The following SLC35A5 variants were observed in gnomAD, a reference collection of about 807,000 sequenced individuals.
SLC35A5 encodes solute carrier family 35 member A5, also known as UDP-sugar transporter protein SLC35A5.
A neutral mutation model predicts 36.3 loss-of-function variants in SLC35A5; 28 were observed. The observed-to-expected ratio is 0.77, with a 90% CI of 0.57 to 1.06. SLC35A5 has a LOEUF of 1.06. SLC35A5 is among the 50% of genes least tolerant of loss of function. The probability of loss-of-function intolerance (pLI) is 0.00; values close to 1 mark genes in which losing one functional copy is unlikely to be tolerated. For missense variants in SLC35A5, 521 were observed against 499.3 expected, an observed-to-expected ratio of 1.04 and a Z score of -0.41; for synonymous variants, 180 against 173.7, an observed-to-expected ratio of 1.04 and a Z score of -0.29.
At position 112,585,370 on chromosome 3, in the gene SLC35A5, G is replaced by A. The variant is rs533355761; in HGVS notation, c.*2634G>A. The A allele has an allele frequency of 1.9e-4, 29 of 152,248 alleles. No individual in the cohort carries two copies. The highest frequency in any genetic ancestry group is 6.7e-4 in the African/African-American group (28 of 41,550). The allele number at this position is 152,248 out of a possible 1,614,324, so 9.4% of individuals were successfully genotyped here. ...TTATGGGGATTACAATTCAAGATGA[G>A]ATTTGGGCGGGGACAGAAAGCCTAA... On this transcript the variant is annotated 3_prime_UTR_variant, in exon 7 of 7. Coordinates refer to ENST00000492406, the MANE Select transcript of SLC35A5 (RefSeq NM_017945.5).
rs1427497256 is a variant in SLC35A5, at chr3:112,584,637, CAT to C, written c.*1902_*1903del. 3 of 152,134 alleles carry C rather than the reference CAT, an allele frequency of 2.0e-5. No homozygotes were observed. Among genetic ancestry groups the C allele is most frequent in the Admixed American group, 6.5e-5 (1 of 15,268 alleles). The allele number at this position is 152,134 out of a possible 1,614,324, so 9.4% of individuals were successfully genotyped here. A position where few individuals can be genotyped will look rare whatever the true frequency, so the allele number is the denominator to read the frequency against. ...AAGAGAAAGAGTGAGAGCACAAGATCATGTGCTGGAACTAAAAATGTTCTATT... is the reference window on the plus strand; with the variant it reads ...AAGAGAAAGAGTGAGAGCACAAGATCGTGCTGGAACTAAAAATGTTCTATT... On this transcript the variant is annotated 3_prime_UTR_variant, in exon 7 of 7. Coordinates refer to ENST00000492406, the MANE Select transcript of SLC35A5 (RefSeq NM_017945.5).
chr3:112,562,707 G>A (rs1933981373), intron 1 of SLC35A5, among the ~76,000 whole-genome samples: 1 of 152,116 alleles, frequency 6.6e-6, no homozygotes, highest in Non-Finnish European at 1.5e-5. Flanking sequence ...TTCCTCCGAG[G>A]GAAAAGAGGA....
intron 5 of SLC35A5, among the ~76,000 whole-genome samples, chr3:112,578,398 A>G (rs150860226): frequency 6.6e-6 from 1 of 152,320 alleles, no homozygotes; most frequent in East Asian, 1.9e-4. Flanking sequence ...CAAACAATTC[A>G]CTTGGGAGGA....
At chr3:112,565,155 T>G (rs1407976648) in intron 2 of SLC35A5, among the ~76,000 whole-genome samples, 2 of 152,018 alleles carry the variant, frequency 1.3e-5, no homozygotes, top group Non-Finnish European at 2.9e-5. Flanking sequence ...GCATAAGATA[T>G]AGACCTTGTC....
rs1361010532 is a variant in SLC35A5 at position 112,570,625 on chromosome 3, C to G, written c.315C>G (p.Phe105Leu). ...MKWSIPAFLY[F>L]LDNLIVFYVL... Reference sequence around the variant, plus strand: ...GGTCCATTCCTGCCTTTCTTTATTTCCTGGATAACTTGATTGTCTTCTATG... The same window carrying G: ...GGTCCATTCCTGCCTTTCTTTATTTGCTGGATAACTTGATTGTCTTCTATG... Residue 105 changes from phenylalanine (F) to leucine (L), a missense_variant, in exon 4 of 7, where the codon TTC becomes TTG. Transcript: ENST00000492406. 6.2e-7 allele frequency: 1 copy of G among 1,611,986 alleles called. No homozygotes were observed. The highest frequency in any genetic ancestry group is 8.5e-7 in the Non-Finnish European group (1 of 1,179,110).
chr3:112,568,086 T>G (rs188075067), intron 2 of SLC35A5, among the ~76,000 whole-genome samples: 3 of 152,354 alleles, frequency 2.0e-5, no homozygotes, highest in South Asian at 4.1e-4. Flanking sequence ...ACAAACATGG[T>G]CCATTTCTTG....
chr3:112,583,717 T>G lies in SLC35A5; in HGVS notation c.*981T>G, dbSNP rs1221692383. 1 of 152,152 alleles carries G rather than the reference T, an allele frequency of 6.6e-6. No individual in the cohort carries two copies. Among genetic ancestry groups the G allele is most frequent in the Non-Finnish European group, 1.5e-5 (1 of 68,004 alleles). The allele number at this position is 152,152 out of a possible 1,614,324, so 9.4% of individuals were successfully genotyped here. Reference sequence around the variant, plus strand: ...AACACATGTTGACTTTTAACTGATGTATGAATATTAATACTCTAAAAATAG... The same window carrying G: ...AACACATGTTGACTTTTAACTGATGGATGAATATTAATACTCTAAAAATAG... On this transcript the variant is annotated 3_prime_UTR_variant, in exon 7 of 7. Coordinates refer to ENST00000492406, the MANE Select transcript of SLC35A5 (RefSeq NM_017945.5).
chr3:112,580,861 C>T lies in SLC35A5; in HGVS notation c.744C>T (p.Ile248=). 6.2e-7 allele frequency: 1 copy of T among 1,614,156 alleles called. No homozygotes were observed. Among genetic ancestry groups the T allele is most frequent in the Non-Finnish European group, 8.5e-7 (1 of 1,179,994 alleles). Residue 248 remains isoleucine (I), a synonymous_variant, in exon 6 of 7, where the codon ATC becomes ATT. Coordinates refer to ENST00000492406, the MANE Select transcript of SLC35A5 (RefSeq NM_017945.5). ...GTTTTATTTCTTCAATGGCTAATAT[C>T]TATAATGAAAAGATACTGAAGGAAG... The part of the protein sequence containing the change: ...VQCFISSMAN[I]YNEKILKEGN...
chr3:112,580,325 A>G (rs1934848663), intron 5 of SLC35A5, among the ~76,000 whole-genome samples: 1 of 152,200 alleles, frequency 6.6e-6, no homozygotes, highest in Non-Finnish European at 1.5e-5. Context: ...AAGGGAAATG[A>G]CTTGAGCAGC....
intron 5 of SLC35A5, 138 bp downstream of exon 5, chr3:112,574,094 G>T: frequency 1.5e-6 from 1 of 647,630 alleles, no homozygotes; most frequent in Non-Finnish European, 2.6e-6. Flanking sequence ...TACTGGGCAC[G>T]TTTAAGCCAT....
rs116026682 is a variant in SLC35A5, at chr3:112,563,509, C to A, written c.106C>A (p.Leu36Ile). 4 of 1,605,358 alleles carry A rather than the reference C, an allele frequency of 2.5e-6. No homozygotes were observed. The African/African-American group carries it at 5.3e-5, about 21-fold the overall frequency. The change falls in exon 2 of 7, where the codon CTA becomes ATA. Residue 36 changes from leucine (L) to isoleucine (I), a missense_variant. Physicochemically the swap from Leu to Ile is conservative, Grantham distance 5 (BLOSUM62 2). Coordinates refer to ENST00000492406, the MANE Select transcript of SLC35A5 (RefSeq NM_017945.5). ...TGCTTTAAGCTCAAGTCGCATCTTACTAGTGAAGTATTCTGCCAATGAAGG... is the reference window on the plus strand; with the variant it reads ...TGCTTTAAGCTCAAGTCGCATCTTAATAGTGAAGTATTCTGCCAATGAAGG... ...FIALSSSRIL[L>I]VKYSANEENK... is the part of the protein sequence containing the mutation.
chr3:112,570,729 A>ATT (rs11411476), intron 4 of SLC35A5, 59 bp downstream of exon 4: 64,378 of 1,168,636 alleles, frequency 0.055, 772 homozygotes, highest in Admixed American at 0.16. Flanking sequence ...AAATCCCAGA[A>ATT]TTTTTTTTTT....
At chr3:112,577,167 A>G (rs1298960908) in intron 5 of SLC35A5, among the ~76,000 whole-genome samples, 2 of 152,094 alleles carry the variant, frequency 1.3e-5, no homozygotes, top group Non-Finnish European at 2.9e-5. Context: ...AAGTCTGGTA[A>G]CTACTGCAGG....
chr3:112,565,786 A>C (rs1013826437), intron 2 of SLC35A5, among the ~76,000 whole-genome samples: 2 of 152,178 alleles, frequency 1.3e-5, no homozygotes, highest in Non-Finnish European at 2.9e-5. Context: ...AAAAGAAAAA[A>C]AAAAGTTTAA....
In SLC35A5 at chr3:112,582,872, C is replaced by T; in HGVS notation, c.*136C>T. On this transcript the variant is annotated 3_prime_UTR_variant, in exon 7 of 7. Transcript: ENST00000492406. ...TTCTTTGCATATATCTAGCTACTCC[C>T]TAAATGGTTCCATCCAAGGCTTAGA... is the stretch of plus-strand genomic sequence containing the variant. 1 of 700,958 alleles carries T rather than the reference C, an allele frequency of 1.4e-6. No individual in the cohort carries two copies. Among genetic ancestry groups the T allele is most frequent in the East Asian group, 2.8e-5 (1 of 36,332 alleles). 43.4% of individuals were successfully genotyped at this position (700,958 alleles called of 1,614,324 possible). A position where few individuals can be genotyped will look rare whatever the true frequency, so the allele number is the denominator to read the frequency against.
chr3:112,570,299 G>T, intron 3 of SLC35A5: 1 of 283,808 alleles, frequency 3.5e-6, no homozygotes, highest in Non-Finnish European at 6.5e-6. Context: ...TATTTATTCT[G>T]AGTTGCCTTA....
At position 112,563,546 on chromosome 3, in the gene SLC35A5, T is replaced by G; in HGVS notation, c.130+13T>G. On this transcript the variant is annotated intron_variant, in intron 2 of 6. Coordinates refer to ENST00000492406, the MANE Select transcript of SLC35A5 (RefSeq NM_017945.5). ...TCTGCCAATGAAGGTAAGTTAAGAC[T>G]TGGTATATGCATGGAGCACTTCCAT... 6.3e-7 allele frequency: 1 copy of G among 1,592,526 alleles called. No homozygotes were observed. Among genetic ancestry groups the G allele is most frequent in the Admixed American group, 1.7e-5 (1 of 59,328 alleles).
Position 112,581,105 on chromosome 3 carries a change from A to C in SLC35A5, c.988A>C (p.Met330Leu). Reference sequence around the variant, plus strand: ...TTTCATTCTGAAGTTCCTGGATAACATGTTCCATGTCTTGATGGCCCAGGT... The same window carrying C: ...TTTCATTCTGAAGTTCCTGGATAACCTGTTCCATGTCTTGATGGCCCAGGT... Reference protein sequence around the residue: ...VAFILKFLDNMFHVLMAQVTT... With the variant: ...VAFILKFLDNLFHVLMAQVTT... The change falls in exon 6 of 7, where the codon ATG becomes CTG. Residue 330 changes from methionine to leucine, a missense_variant. Physicochemically the swap from Met to Leu is conservative, Grantham distance 15 (BLOSUM62 2). Transcript: ENST00000492406. 1 of 1,613,922 alleles carries C rather than the reference A, an allele frequency of 6.2e-7. No homozygotes were observed.
In SLC35A5 at chr3:112,581,086, T is replaced by G; in HGVS notation, c.969T>G (p.Ile323Met). The G allele has an allele frequency of 6.2e-7, 1 of 1,614,064 alleles. No homozygotes were observed. The highest frequency in any genetic ancestry group is 8.5e-7 in the Non-Finnish European group (1 of 1,179,956). Residue 323 changes from isoleucine to methionine, a missense_variant, in exon 6 of 7, where the codon ATT (isoleucine) becomes ATG (methionine). Coordinates refer to ENST00000492406, the MANE Select transcript of SLC35A5 (RefSeq NM_017945.5). ...TCCAGGGCCTTTCAGTGGCTTTCATTCTGAAGTTCCTGGATAACATGTTCC... is the reference window on the plus strand; with the variant it reads ...TCCAGGGCCTTTCAGTGGCTTTCATGCTGAAGTTCCTGGATAACATGTTCC... Reference protein sequence around the residue: ...TAFQGLSVAFILKFLDNMFHV... With the variant: ...TAFQGLSVAFMLKFLDNMFHV...
Sources: gnomAD v4.1 joint callset for allele counts (sites outside exome capture counted in the v4.1 genomes callset) on GRCh38, gnomAD v4.1.1 for gene constraint, MANE v1.5 for transcripts, NCBI Gene and HGNC (gene_info 2026-07-23, HGNC 2026-07-21) for gene names.